EYA4: variants seen among roughly 807,000 people sequenced by gnomAD.
EYA4 encodes EYA transcriptional coactivator and phosphatase 4.
Under a neutral mutation model 87.9 loss-of-function variants are expected in EYA4, and 31 were observed. The ratio of observed to expected loss-of-function variants is 0.35; its 90% CI spans 0.27 to 0.48. The LOEUF (loss-of-function observed/expected upper bound fraction) is 0.48, where lower values mean the gene tolerates loss of function less well. Among genes scored for constraint, EYA4 ranks in the 20% least tolerant of loss-of-function variants. The probability of loss-of-function intolerance (pLI) is 0.99; values close to 1 mark genes in which losing one functional copy is unlikely to be tolerated. For synonymous variants in EYA4, 263 were observed against 270.6 expected (o/e 0.97, Z 0.28); for missense variants, 678 against 761.4 (o/e 0.89, Z 1.29).
intron 11 of EYA4, among the ~76,000 whole-genome samples, chr6:133,473,333 A>G (rs939846142): frequency 1.2e-4 from 19 of 152,088 alleles, no homozygotes; most frequent in African/African-American, 3.9e-4. Flanking sequence ...TCAGCAGTAA[A>G]TGAGCTCTTT....
intron 3 of EYA4, among the ~76,000 whole-genome samples, chr6:133,416,415 T>C (rs1404249262): frequency 6.6e-6 from 1 of 152,192 alleles, no homozygotes; most frequent in Non-Finnish European, 1.5e-5. Context: ...ACATTTTTTT[T>C]CCTGAAGTCA....
chr6:133,482,430 A>T (rs1050002560), intron 12 of EYA4, among the ~76,000 whole-genome samples: 1 of 152,190 alleles, frequency 6.6e-6, no homozygotes, highest in Non-Finnish European at 1.5e-5. Flanking sequence ...TGTCACTGCC[A>T]TGTAGGAATG....
At position 133,529,615 on chromosome 6, in the gene EYA4, A is replaced by G; in HGVS notation, c.*810A>G. 1.0e-6 allele frequency: 1 copy of G among 985,720 alleles called. No individual in the cohort carries two copies. Among genetic ancestry groups the G allele is most frequent in the Admixed American group, 6.1e-5 (1 of 16,284 alleles). The allele number at this position is 985,720 out of a possible 1,614,324, so 61.1% of individuals were successfully genotyped here. On this transcript the variant is annotated 3_prime_UTR_variant, in exon 20 of 20. Transcript: ENST00000355286. ...AGAGCTTAATTACCGCATCAGCAAG[A>G]AACTGAGTATTTTTTGCAATAAGAA...
At chr6:133,257,417 G>T (rs1775423823) in intron 1 of EYA4, among the ~76,000 whole-genome samples, 1 of 152,154 alleles carries the variant, frequency 6.6e-6, no homozygotes, top group South Asian at 2.1e-4. Context: ...TTTTCTGTTA[G>T]AAGTAATTTT....
chr6:133,370,180 T>C (rs1583084233), intron 2 of EYA4, among the ~76,000 whole-genome samples: 2 of 152,264 alleles, frequency 1.3e-5, no homozygotes, highest in East Asian at 3.9e-4. Context: ...CTACTGACAA[T>C]GGAGACTGGA....
intron 3 of EYA4, among the ~76,000 whole-genome samples, chr6:133,444,125 A>T (rs1466113149): frequency 6.6e-6 from 1 of 152,086 alleles, no homozygotes; most frequent in Non-Finnish European, 1.5e-5. Flanking sequence ...TACTGTGAAA[A>T]CTGTGTCATA....
intron 17 of EYA4, among the ~76,000 whole-genome samples, chr6:133,518,315 A>C (rs868234240): frequency 6.6e-6 from 1 of 152,160 alleles, no homozygotes; most frequent in Non-Finnish European, 1.5e-5. Context: ...AGAAATAAAT[A>C]AAGATATAAC....
chr6:133,484,279 C>T (rs1205216056), intron 13 of EYA4, among the ~76,000 whole-genome samples: 1 of 152,178 alleles, frequency 6.6e-6, no homozygotes, highest in African/African-American at 2.4e-5. Context: ...GAAATGTCTT[C>T]CTATGTCTTC....
chr6:133,433,440 A>G (rs991884610), intron 3 of EYA4, among the ~76,000 whole-genome samples: 7 of 152,232 alleles, frequency 4.6e-5, no homozygotes, highest in Non-Finnish European at 8.8e-5. Context: ...CTGGAGGTAT[A>G]CCTCTAGTAC....
chr6:133,301,491 A>G (rs894796664), intron 2 of EYA4, among the ~76,000 whole-genome samples: 2 of 152,254 alleles, frequency 1.3e-5, no homozygotes, highest in African/African-American at 4.8e-5. Flanking sequence ...TTCTAATACA[A>G]AGTGAATGAA....
chr6:133,349,376 G>C (rs1783458954), intron 2 of EYA4, among the ~76,000 whole-genome samples: 1 of 152,038 alleles, frequency 6.6e-6, no homozygotes, highest in African/African-American at 2.4e-5. Flanking sequence ...TGTTATGAGG[G>C]TATAGATTTT....
At position 133,506,173 on chromosome 6, in the gene EYA4, A is replaced by G. The variant is rs1798603267; in HGVS notation, c.1259A>G (p.His420Arg). 1 of 1,606,292 alleles carries G rather than the reference A, an allele frequency of 6.2e-7. No homozygotes were observed. The highest frequency in any genetic ancestry group is 8.5e-7 in the Non-Finnish European group (1 of 1,173,062). ...ATGATTTTTAATCTTGCTGATACTC[A>G]TTTGTTTTTTAATGATTTAGAGGTA... ...EEMIFNLADT[H>R]LFFNDLEECD... The change falls in exon 14 of 20, where the codon CAT becomes CGT. Residue 420 changes from histidine (H) to arginine (R), a missense_variant. Coordinates refer to ENST00000355286, the MANE Select transcript of EYA4 (RefSeq NM_004100.5).
chr6:133,254,329 G>A (rs546245756), intron 1 of EYA4, among the ~76,000 whole-genome samples: 52 of 152,078 alleles, frequency 3.4e-4, no homozygotes, highest in Non-Finnish European at 6.5e-4. Flanking sequence ...GAGAAAGCAT[G>A]TTCTGTATTT....
chr6:133,529,405 T>C lies in EYA4; in HGVS notation c.*600T>C. The C allele has an allele frequency of 1.0e-6, 1 of 992,194 alleles. No homozygotes were observed. The highest frequency in any genetic ancestry group is 1.2e-6 in the Non-Finnish European group (1 of 833,292). 61.5% of individuals were successfully genotyped at this position (992,194 alleles called of 1,614,324 possible). A position where few individuals can be genotyped will look rare whatever the true frequency, so the allele number is the denominator to read the frequency against. ...AATGGGAGGGGAAATGGGAATATAA[T>C]ATTGTCTCTTTTTTAAGTTTGGCAA... is the stretch of plus-strand genomic sequence containing the variant. On this transcript the variant is annotated 3_prime_UTR_variant, in exon 20 of 20. Transcript: ENST00000355286.
At chr6:133,523,553 G>A (rs1361713614) in intron 18 of EYA4, among the ~76,000 whole-genome samples, 1 of 152,116 alleles carries the variant, frequency 6.6e-6, no homozygotes, top group Non-Finnish European at 1.5e-5. Flanking sequence ...CTTTGCAGGG[G>A]ATTCTTTGAT....
intron 1 of EYA4, among the ~76,000 whole-genome samples, chr6:133,259,513 A>G (rs1775619487): frequency 6.6e-6 from 1 of 152,238 alleles, no homozygotes; most frequent in South Asian, 2.1e-4. Context: ...AATGATTTTT[A>G]TATTCAAATG....
chr6:133,315,712 G>A (rs1780571161), intron 2 of EYA4, among the ~76,000 whole-genome samples: 1 of 152,176 alleles, frequency 6.6e-6, no homozygotes, highest in Non-Finnish European at 1.5e-5. Context: ...CAGGAAGCTT[G>A]TGGAAGTGAA....
intron 17 of EYA4, among the ~76,000 whole-genome samples, chr6:133,516,766 T>C (rs1799638819): frequency 6.6e-6 from 1 of 150,404 alleles, no homozygotes; most frequent in Admixed American, 6.6e-5. Context: ...GAACGTGCAG[T>C]ATTTGCTTTT....
At chr6:133,372,976 C>T (rs1785393382) in intron 2 of EYA4, among the ~76,000 whole-genome samples, 2 of 151,890 alleles carry the variant, frequency 1.3e-5, no homozygotes, top group South Asian at 4.1e-4. Context: ...CTTATACAGA[C>T]ATACGCACAC....
Sources: allele counts gnomAD v4.1 joint callset (sites outside exome capture counted in the v4.1 genomes callset), GRCh38; gene constraint gnomAD v4.1.1; transcripts MANE v1.5; gene names NCBI Gene and HGNC (gene_info 2026-07-23, HGNC 2026-07-21).